The following VRK1 variants were observed in gnomAD, a reference collection of about 807,000 sequenced individuals.
VRK1 encodes the protein serine/threonine-protein kinase VRK1.
VRK1 carries 33 observed loss-of-function variants against 57.1 expected under a neutral mutation model. The ratio of observed to expected loss-of-function variants is 0.58; its 90% CI spans 0.44 to 0.77. VRK1 has a LOEUF of 0.77. VRK1 is among the 30% of genes least tolerant of loss of function. The pLI, the probability that VRK1 is intolerant of heterozygous loss-of-function variation, is 0.00. For synonymous variants in VRK1, 137 were observed against 147.8 expected, an observed-to-expected ratio of 0.93 and a Z score of 0.53; for missense variants, 413 against 477.3, an observed-to-expected ratio of 0.87 and a Z score of 1.25.
chr14:96,877,997 A>T (rs556013925), intron 12 of VRK1, among the ~76,000 whole-genome samples: 2 of 152,276 alleles, frequency 1.3e-5, no homozygotes, highest in South Asian at 4.1e-4. Context: ...AGAACAATTC[A>T]GTTTTTTTGA....
Position 96,860,538 on chromosome 14 carries a change from G to A in VRK1, c.890-19G>A. The A allele has an allele frequency of 1.2e-5, 20 of 1,604,150 alleles. No individual in the cohort carries two copies. The highest frequency in any genetic ancestry group is 1.7e-5 in the Non-Finnish European group (20 of 1,172,444). On this transcript the variant is annotated intron_variant, in intron 10 of 12. Coordinates refer to ENST00000216639, the MANE Select transcript of VRK1 (RefSeq NM_003384.3). ...AGAAATATATTGAAAGTTATAAAAT[G>A]ATTGTGTTATTCTTTTAGGTGAAAT...
chr14:96,835,710 C>G (rs1254419181), intron 2 of VRK1, among the ~76,000 whole-genome samples: 1 of 152,182 alleles, frequency 6.6e-6, no homozygotes, highest in Non-Finnish European at 1.5e-5. Flanking sequence ...TTGAGCATTC[C>G]TTCACTAATA....
At chr14:96,873,776 T>C (rs1483140278) in intron 11 of VRK1, among the ~76,000 whole-genome samples, 2 of 152,242 alleles carry the variant, frequency 1.3e-5, no homozygotes, top group Non-Finnish European at 2.9e-5. Flanking sequence ...ACTTAGGTAC[T>C]ACTAAACTTG....
intron 10 of VRK1, chr14:96,859,073 T>C (rs1200860380): frequency 1.3e-5 from 2 of 152,218 alleles, no homozygotes; most frequent in African/African-American, 2.4e-5. Context: ...CTCTCAACTG[T>C]GTTTTATAGT....
intron 1 of VRK1, among the ~76,000 whole-genome samples, chr14:96,808,020 T>TCTCTCTCTCTCTCTCTCTCTCTCTCTCC (rs1566683624): frequency 3.1e-5 from 1 of 31,818 alleles, no homozygotes; most frequent in African/African-American, 9.5e-5. Flanking sequence ...TCTCCCTCTG[T>TCTCTCTCTCTCTCTCTCTCTCTCTCTCC]GTGTGTGTGT....
intron 5 of VRK1, among the ~76,000 whole-genome samples, chr14:96,851,468 C>G (rs904503431): frequency 3.9e-5 from 6 of 152,042 alleles, no homozygotes; most frequent in Non-Finnish European, 7.4e-5. Flanking sequence ...TAACCTTGGA[C>G]AAATCACTTT....
At chr14:96,823,677 C>T (rs190094498) in intron 1 of VRK1, among the ~76,000 whole-genome samples, 11 of 152,298 alleles carry the variant, frequency 7.2e-5, no homozygotes, top group African/African-American at 1.9e-4. Context: ...TAAGTGTACA[C>T]AGTAGCGTTA....
At chr14:96,847,774 A>C (rs1332367305) in intron 5 of VRK1, among the ~76,000 whole-genome samples, 1 of 152,220 alleles carries the variant, frequency 6.6e-6, no homozygotes, top group Non-Finnish European at 1.5e-5. Context: ...TGCCCACACA[A>C]GATTAGGCTC....
intron 12 of VRK1, among the ~76,000 whole-genome samples, chr14:96,879,970 A>G (rs545349463): frequency 6.0e-4 from 91 of 152,070 alleles, no homozygotes; most frequent in African/African-American, 2.2e-3. Flanking sequence ...TCTTGAAATA[A>G]AAACCTAAAA....
At chr14:96,799,710 T>C (rs1885581912) in intron 1 of VRK1, among the ~76,000 whole-genome samples, 1 of 152,186 alleles carries the variant, frequency 6.6e-6, no homozygotes, top group Non-Finnish European at 1.5e-5. Flanking sequence ...TGAAAATTGC[T>C]CTTGATGGGT....
chr14:96,814,581 C>G (rs1396598457), intron 1 of VRK1, among the ~76,000 whole-genome samples: 1 of 152,162 alleles, frequency 6.6e-6, no homozygotes, highest in African/African-American at 2.4e-5. Flanking sequence ...AAGCTTCCCA[C>G]CCTTAAGGCA....
chr14:96,825,293 G>A (rs1886758692), intron 1 of VRK1, among the ~76,000 whole-genome samples: 1 of 152,104 alleles, frequency 6.6e-6, no homozygotes, highest in Admixed American at 6.5e-5. Context: ...GATAATTATG[G>A]CTTAGGAAGG....
intron 11 of VRK1, among the ~76,000 whole-genome samples, chr14:96,869,171 G>A (rs1333383378): frequency 2.0e-5 from 3 of 152,150 alleles, no homozygotes; most frequent in African/African-American, 4.8e-5. Flanking sequence ...TTATAAGATT[G>A]TTATGAGGAA....
At chr14:96,845,403 G>T (rs2139777508) in intron 3 of VRK1, among the ~76,000 whole-genome samples, 1 of 152,264 alleles carries the variant, frequency 6.6e-6, no homozygotes, top group African/African-American at 2.4e-5. Flanking sequence ...ATACGTTTTT[G>T]TGAATGTATG....
At chr14:96,876,221 T>G in intron 12 of VRK1, 101 bp downstream of exon 12, 2 of 1,063,002 alleles carry the variant, frequency 1.9e-6, no homozygotes, top group Non-Finnish European at 2.9e-6. Flanking sequence ...GACCTTTTGA[T>G]TTTATAATAA....
Position 96,881,164 on chromosome 14 carries a change from AT to A in VRK1, c.1160-8del, listed in dbSNP as rs2139857568. On this transcript the variant is annotated splice_polypyrimidine_tract_variant and intron_variant, in intron 12 of 12. Transcript: ENST00000216639. Reference sequence around the variant, plus strand: ...TTGACTAGTGATTTCAGTTTCTTTGATTTTTCTTCAAGGTTCAAGAACCAGA... The same window carrying A: ...TTGACTAGTGATTTCAGTTTCTTTGATTTTCTTCAAGGTTCAAGAACCAGA... The A allele has an allele frequency of 6.2e-7, 1 of 1,600,198 alleles. No homozygotes were observed. Among genetic ancestry groups the A allele is most frequent in the Admixed American group, 1.7e-5 (1 of 58,912 alleles).
intron 11 of VRK1, among the ~76,000 whole-genome samples, chr14:96,872,402 A>G (rs938816149): frequency 6.6e-6 from 1 of 152,224 alleles, no homozygotes; most frequent in African/African-American, 2.4e-5. Flanking sequence ...GGTTAGATAA[A>G]TGAGGAAAAC....
intron 4 of VRK1, 52 bp downstream of exon 4, chr14:96,846,216 G>A (rs1887681561): frequency 6.4e-7 from 1 of 1,565,826 alleles, no homozygotes; most frequent in East Asian, 2.2e-5. Context: ...CCAGTTTTTT[G>A]TTTTAAGCCA....
chr14:96,814,457 C>G (rs1408243326), intron 1 of VRK1, among the ~76,000 whole-genome samples: 1 of 152,112 alleles, frequency 6.6e-6, no homozygotes, highest in Non-Finnish European at 1.5e-5. Flanking sequence ...ATTTTATTTA[C>G]TAAAGTTCTT....
Sources: allele counts gnomAD v4.1 joint callset (sites outside exome capture counted in the v4.1 genomes callset), GRCh38; gene constraint gnomAD v4.1.1; transcripts MANE v1.5; gene names NCBI Gene and HGNC (gene_info 2026-07-23, HGNC 2026-07-21).